RALGAPB: variants seen among roughly 807,000 people sequenced by gnomAD.
RALGAPB encodes Ral GTPase activating protein non-catalytic subunit beta.
Under a neutral mutation model 161.1 loss-of-function variants are expected in RALGAPB, and 25 were observed. The ratio of observed to expected loss-of-function variants is 0.16; its 90% CI spans 0.11 to 0.22. The LOEUF (loss-of-function observed/expected upper bound fraction) is 0.22, where lower values mean the gene tolerates loss of function less well. RALGAPB is among the 10% of genes least tolerant of loss of function. The pLI is 1.00. For synonymous variants in RALGAPB, 629 were observed against 626.1 expected (o/e 1.00, Z -0.07); for missense variants, 1,391 against 1,815.2 (o/e 0.77, Z 4.25).
Position 38,569,758 on chromosome 20 carries a change from A to G in RALGAPB, c.3955-130A>G, listed in dbSNP as rs1224871218. ...GTTGCAAATGTATACACTTTTTCCT[A>G]AAGTGATTTTCCATGACCTGATACT... is the stretch of plus-strand genomic sequence containing the variant. On this transcript the variant is annotated intron_variant, in intron 26 of 29. Transcript: ENST00000262879. 7.6e-6 allele frequency: 5 copies of G among 653,934 alleles called. 1 individual carries two copies. Among genetic ancestry groups the G allele is most frequent in the Non-Finnish European group, 1.3e-5 (5 of 371,526 alleles). 40.5% of individuals were successfully genotyped at this position (653,934 alleles called of 1,614,324 possible).
At chr20:38,487,299 A>G (rs529942126) in intron 1 of RALGAPB, among the ~76,000 whole-genome samples, 55 of 151,488 alleles carry the variant, frequency 3.6e-4, no homozygotes, top group African/African-American at 1.2e-3. Context: ...AGTGTATGCA[A>G]TTCCCATTAG....
Position 38,575,118 on chromosome 20 carries a change from T to C in RALGAPB, c.*151T>C. The C allele has an allele frequency of 1.5e-6, 1 of 683,992 alleles. No homozygotes were observed. Among genetic ancestry groups the C allele is most frequent in the Non-Finnish European group, 2.4e-6 (1 of 414,478 alleles). 42.4% of individuals were successfully genotyped at this position (683,992 alleles called of 1,614,324 possible). A position where few individuals can be genotyped will look rare whatever the true frequency, so the allele number is the denominator to read the frequency against. ...AATAGAAGAAACACATTATAACCCA[T>C]TTGATAGAAGACTTTGGGCTATCTA... On this transcript the variant is annotated 3_prime_UTR_variant, in exon 30 of 30. Transcript: ENST00000262879.
intron 18 of RALGAPB, 23 bp from the exon 19 acceptor site, chr20:38,546,220 G>A (rs772250916): frequency 9.9e-6 from 16 of 1,613,016 alleles, no homozygotes; most frequent in Non-Finnish European, 1.4e-5. Flanking sequence ...GGAATTAACT[G>A]TTATCTTTTC....
chr20:38,509,356 T>G (rs2085864831), intron 6 of RALGAPB, 148 bp downstream of exon 6: 9 of 898,208 alleles, frequency 1.0e-5, no homozygotes, highest in Middle Eastern at 6.8e-4. Context: ...AGCACATTTC[T>G]GTCCTGTGCC....
chr20:38,480,297 G>T (rs2084927803), intron 1 of RALGAPB, among the ~76,000 whole-genome samples: 1 of 145,714 alleles, frequency 6.9e-6, no homozygotes, highest in African/African-American at 2.5e-5. Context: ...CTTTCCTTTG[G>T]CTCTGGGTTT....
chr20:38,557,038 A>T (rs1331416357), intron 22 of RALGAPB, among the ~76,000 whole-genome samples: 1 of 152,188 alleles, frequency 6.6e-6, no homozygotes. Context: ...CTAGACTCAC[A>T]ATCCTTGTCA....
chr20:38,495,298 AT>A (rs967751331), intron 3 of RALGAPB, among the ~76,000 whole-genome samples: 41 of 148,736 alleles, frequency 2.8e-4, no homozygotes, highest in Non-Finnish European at 4.6e-4. Flanking sequence ...CATCAGTTTG[AT>A]TTTTTTTTTT....
intron 24 of RALGAPB, among the ~76,000 whole-genome samples, chr20:38,563,066 A>G (rs2087845425): frequency 6.6e-6 from 1 of 152,196 alleles, no homozygotes; most frequent in African/African-American, 2.4e-5. Context: ...CCCTGTCTCT[A>G]AAAACTAAAC....
intron 21 of RALGAPB, 33 bp downstream of exon 21, chr20:38,551,256 G>T (rs1292850849): frequency 6.3e-7 from 1 of 1,598,768 alleles, no homozygotes; most frequent in Non-Finnish European, 8.6e-7. Flanking sequence ...TTGTCAAGGG[G>T]ATGAATAGAA....
At chr20:38,483,054 C>CT (rs1032235535) in intron 1 of RALGAPB, among the ~76,000 whole-genome samples, 4 of 152,124 alleles carry the variant, frequency 2.6e-5, no homozygotes, top group African/African-American at 9.7e-5. Flanking sequence ...GCCTGGCTAA[C>CT]TTTTTTGTGT....
At chr20:38,574,115 T>C (rs753646119) in intron 28 of RALGAPB, 35 bp from the exon 29 acceptor site, 2 of 1,578,832 alleles carry the variant, frequency 1.3e-6, no homozygotes, top group African/African-American at 1.4e-5. Context: ...ACTTCAACTC[T>C]TGGGTGTCTG....
intron 6 of RALGAPB, among the ~76,000 whole-genome samples, chr20:38,510,123 C>A (rs2085890710): frequency 8.3e-6 from 1 of 120,104 alleles, no homozygotes; most frequent in South Asian, 2.6e-4. Context: ...TAAACACACA[C>A]ACGCACATAC....
At chr20:38,488,893 T>C (rs2085197116) in intron 2 of RALGAPB, among the ~76,000 whole-genome samples, 1 of 152,188 alleles carries the variant, frequency 6.6e-6, no homozygotes, top group Admixed American at 6.5e-5. Flanking sequence ...AATTCTCCAC[T>C]TGAGCTGAAG....
Position 38,531,250 on chromosome 20 carries a change from A to G in RALGAPB, c.2115+19A>G, listed in dbSNP as rs572682161. ...GGAGATGGTAAGAAGCATACATGCA[A>G]TCTGTCAGAGAATATCACTTTTGAA... On this transcript the variant is annotated intron_variant, in intron 14 of 29. Transcript: ENST00000262879. 1.8e-4 allele frequency: 279 copies of G among 1,564,084 alleles called. 3 individuals are homozygous for G. In the South Asian group the frequency reaches 2.0e-3, roughly 11 times the overall value.
intron 12 of RALGAPB, 29 bp downstream of exon 12, chr20:38,525,547 C>T: frequency 6.9e-7 from 1 of 1,459,140 alleles, no homozygotes; most frequent in Non-Finnish European, 9.5e-7. Context: ...TTTTTTATAT[C>T]CTATATTCTG....
chr20:38,557,441 C>T (rs1430138548), intron 22 of RALGAPB, among the ~76,000 whole-genome samples: 1 of 152,202 alleles, frequency 6.6e-6, no homozygotes, highest in East Asian at 1.9e-4. Flanking sequence ...TGTATAATGA[C>T]ATGTGTCTAC....
intron 7 of RALGAPB, 177 bp downstream of exon 7, chr20:38,516,547 A>G (rs761945124): frequency 3.1e-6 from 2 of 642,368 alleles, no homozygotes; most frequent in Non-Finnish European, 4.9e-6. Context: ...TATCGTTTCT[A>G]TGTAAATATT....
chr20:38,574,278 T>C lies in RALGAPB; in HGVS notation c.4271T>C (p.Ile1424Thr), dbSNP rs778293069. Residue 1424 changes from isoleucine to threonine, a missense_variant, in exon 29 of 30, where the codon ATT becomes ACT. Coordinates refer to ENST00000262879, the MANE Select transcript of RALGAPB (RefSeq NM_020336.4). The part of the protein sequence containing the change: ...NMVIPLVDGM[I>T]VSRRALGFLV... Reference sequence around the variant, plus strand: ...GTCATCCCTCTTGTGGATGGGATGATTGTCAGCAGGCGAGCTCTTGGTAAG... The same window carrying C: ...GTCATCCCTCTTGTGGATGGGATGACTGTCAGCAGGCGAGCTCTTGGTAAG... 2.5e-6 allele frequency: 4 copies of C among 1,611,868 alleles called. No individual in the cohort carries two copies. The South Asian group carries it at 3.3e-5, about 13-fold the overall frequency.
At position 38,517,551 on chromosome 20, in the gene RALGAPB, A is replaced by G; in HGVS notation, c.1097A>G (p.Asn366Ser). 3 of 1,613,568 alleles carry G rather than the reference A, an allele frequency of 1.9e-6. No individual in the cohort carries two copies. In the South Asian group the frequency reaches 3.3e-5, roughly 18 times the overall value. ...RSDSAPPTPV[N>S]RLSMPQSAAV... is the part of the protein sequence containing the mutation. Reference sequence around the variant, plus strand: ...GACAGTGCTCCCCCAACACCCGTGAATAGATTAAGTATGCCTCAAAGTGCT... The same window carrying G: ...GACAGTGCTCCCCCAACACCCGTGAGTAGATTAAGTATGCCTCAAAGTGCT... The change falls in exon 8 of 30, where the codon AAT (asparagine) becomes AGT (serine). Residue 366 changes from asparagine (N) to serine (S), a missense_variant. Around this residue, in one of 3 missense-constraint regions of RALGAPB, gnomAD observed 946 missense variants for 1,257.2 expected, o/e 0.75. Transcript: ENST00000262879.
Sources: allele counts gnomAD v4.1 joint callset (sites outside exome capture counted in the v4.1 genomes callset), GRCh38; gene constraint gnomAD v4.1.1; regional missense constraint gnomAD v4.1.1; transcripts MANE v1.5; gene names NCBI Gene and HGNC (gene_info 2026-07-23, HGNC 2026-07-21).